Variants in TIAM2 observed in about 807,000 individuals in gnomAD.
TIAM2 encodes the protein TIAM Rac1 associated GEF 2.
Under a neutral mutation model 152.9 loss-of-function variants are expected in TIAM2, and 80 were observed. The observed-to-expected ratio is 0.52, with a 90% CI of 0.44 to 0.63. The LOEUF is 0.63. TIAM2 is among the 30% of genes least tolerant of loss of function. The probability of loss-of-function intolerance (pLI) is 0.00; values close to 1 mark genes in which losing one functional copy is unlikely to be tolerated. For missense variants in TIAM2, 1,965 were observed against 2,120.1 expected, an observed-to-expected ratio of 0.93 and a Z score of 1.44; for synonymous variants, 804 against 838.0, an observed-to-expected ratio of 0.96 and a Z score of 0.70.
intron 1 of TIAM2, among the ~76,000 whole-genome samples, chr6:155,061,283 C>CAT (rs113370609): frequency 0.051 from 7,636 of 149,616 alleles, 653 homozygotes; most frequent in African/African-American, 0.19. Context: ...TCTATCTGTA[C>CAT]ATATATATAT....
At chr6:155,082,026 G>A (rs1287974648) in intron 1 of TIAM2, among the ~76,000 whole-genome samples, 1 of 152,114 alleles carries the variant, frequency 6.6e-6, no homozygotes, top group Non-Finnish European at 1.5e-5. Flanking sequence ...CTCAATCTAA[G>A]GATGGGGTAA....
chr6:155,132,448 T>C (rs1261386244), intron 4 of TIAM2, among the ~76,000 whole-genome samples: 1 of 151,818 alleles, frequency 6.6e-6, no homozygotes, highest in African/African-American at 2.4e-5. Context: ...CACACAGAGG[T>C]GAAGAACAGA....
chr6:155,059,325 T>C lies in TIAM2; in HGVS notation c.-208-30964T>C, dbSNP rs201992493. Among the ~76,000 whole-genome samples the C allele has an allele frequency of 1.3e-3, 174 of 135,552 alleles. 1 individual carries two copies. Among genetic ancestry groups the C allele is most frequent in the South Asian group, 2.5e-3 (11 of 4,418 alleles). 88.9% of individuals were successfully genotyped at this position (135,552 alleles called of 152,430 possible). On this transcript the variant is annotated intron_variant, in intron 1 of 26. Coordinates refer to ENST00000682666, the MANE Select transcript of TIAM2 (RefSeq NM_012454.4). ...GTGTGTGTGTGTGTGTGTGTGTGTG[T>C]GCGCGTGTATGTTTTTGAGACAGAG...
intron 1 of TIAM2, among the ~76,000 whole-genome samples, chr6:155,059,317 T>TGCGC (rs927006215): frequency 4.6e-5 from 6 of 131,726 alleles, no homozygotes; most frequent in African/African-American, 2.0e-4. Context: ...TGTGTGTGTG[T>TGCGC]GTGTGTGTGC....
At chr6:155,126,808 C>CTT (rs76982750) in intron 2 of TIAM2, among the ~76,000 whole-genome samples, 6 of 142,684 alleles carry the variant, frequency 4.2e-5, no homozygotes, top group Non-Finnish European at 9.3e-5. Flanking sequence ...TACAAATAAA[C>CTT]TTTTTTTTTT....
chr6:155,171,609 A>G (rs1438355294), intron 9 of TIAM2, among the ~76,000 whole-genome samples: 1 of 152,140 alleles, frequency 6.6e-6, no homozygotes, highest in Non-Finnish European at 1.5e-5. Context: ...ACCCCCTAAT[A>G]TTGTTTTCTT....
intron 1 of TIAM2, among the ~76,000 whole-genome samples, chr6:154,998,902 T>C (rs1040705022): frequency 4.6e-5 from 7 of 152,130 alleles, no homozygotes; most frequent in African/African-American, 1.7e-4. Context: ...TGGGAAATCT[T>C]GAAAGTATAG....
chr6:155,256,390 CTTAATG>C (rs1208892359), intron 26 of TIAM2, 88 bp from the exon 27 acceptor site: 12 of 1,548,090 alleles, frequency 7.8e-6, no homozygotes, highest in Non-Finnish European at 9.6e-6. Context: ...AAAATAAAAT[CTTAATG>C]TTAAATCTTA....
At chr6:155,208,255 A>G (rs952382128) in intron 14 of TIAM2, among the ~76,000 whole-genome samples, 1 of 152,202 alleles carries the variant, frequency 6.6e-6, no homozygotes, top group Non-Finnish European at 1.5e-5. Flanking sequence ...AACCTAGGTA[A>G]TGCACTTTTA....
At chr6:155,189,252 C>T (rs1309305570) in intron 14 of TIAM2, among the ~76,000 whole-genome samples, 1 of 152,164 alleles carries the variant, frequency 6.6e-6, no homozygotes, top group African/African-American at 2.4e-5. Flanking sequence ...AGAGAATGCT[C>T]TGTTTGTGTG....
chr6:155,253,944 G>T, intron 24 of TIAM2, 29 bp from the exon 25 acceptor site: 1 of 1,586,458 alleles, frequency 6.3e-7, no homozygotes. Flanking sequence ...CAAAGTTGTA[G>T]ACTCTTGTTT....
At chr6:155,171,837 A>G (rs1192500568) in intron 9 of TIAM2, among the ~76,000 whole-genome samples, 1 of 152,212 alleles carries the variant, frequency 6.6e-6, no homozygotes, top group African/African-American at 2.4e-5. Context: ...TACTGTTGTT[A>G]AGAAAACTGG....
chr6:155,066,316 G>A (rs1216209052), intron 1 of TIAM2, among the ~76,000 whole-genome samples: 1 of 152,158 alleles, frequency 6.6e-6, no homozygotes, highest in African/African-American at 2.4e-5. Context: ...GCTCATCTCT[G>A]TCAGGCTCTT....
intron 1 of TIAM2, among the ~76,000 whole-genome samples, chr6:155,029,219 CTATA>C (rs1306986532): frequency 1.8e-5 from 2 of 108,410 alleles, no homozygotes; most frequent in African/African-American, 6.6e-5. Flanking sequence ...GTTATATACA[CTATA>C]TGTACTATGT....
chr6:155,054,265 CTGA>C (rs1460796449), intron 1 of TIAM2, among the ~76,000 whole-genome samples: 2 of 152,158 alleles, frequency 1.3e-5, no homozygotes, highest in African/African-American at 4.8e-5. Context: ...ACTCTGTGCA[CTGA>C]TGTCATTTGT....
chr6:155,119,638 C>T (rs1006693531), intron 2 of TIAM2, among the ~76,000 whole-genome samples: 4 of 152,244 alleles, frequency 2.6e-5, no homozygotes, highest in African/African-American at 7.2e-5. Flanking sequence ...CACGTCCAGC[C>T]AACAATGACT....
At chr6:155,017,941 C>T (rs1288207156) in intron 1 of TIAM2, among the ~76,000 whole-genome samples, 4 of 152,188 alleles carry the variant, frequency 2.6e-5, no homozygotes, top group Admixed American at 6.6e-5. Context: ...GTGGTCACCA[C>T]CACTGAGGTG....
At chr6:155,053,453 C>A (rs892954237) in intron 1 of TIAM2, among the ~76,000 whole-genome samples, 7 of 144,918 alleles carry the variant, frequency 4.8e-5, no homozygotes, top group Non-Finnish European at 1.0e-4. Flanking sequence ...CCGCTCCTGG[C>A]CTATTCTTGC....
At chr6:155,046,131 T>C (rs1777169297) in intron 1 of TIAM2, among the ~76,000 whole-genome samples, 1 of 152,054 alleles carries the variant, frequency 6.6e-6, no homozygotes, top group African/African-American at 2.4e-5. Flanking sequence ...AGGTTTGGGC[T>C]GTGGTTTTCC....
Sources: gnomAD v4.1 joint callset for allele counts (sites outside exome capture counted in the v4.1 genomes callset) on GRCh38, gnomAD v4.1.1 for gene constraint, MANE v1.5 for transcripts, NCBI Gene and HGNC (gene_info 2026-07-23, HGNC 2026-07-21) for gene names.